HDAC9: variants seen among roughly 807,000 people sequenced by gnomAD.
The protein encoded by HDAC9 is MEF-2 interacting transcription repressor (MITR) protein.
A neutral mutation model predicts 139.4 loss-of-function variants in HDAC9; 41 were observed. The observed-to-expected ratio is 0.29, with a 90% CI of 0.23 to 0.38. The LOEUF is 0.38. Ranked by LOEUF, HDAC9 falls within the 10% of genes least tolerant of loss-of-function variation. The probability of loss-of-function intolerance (pLI) is 1.00; values close to 1 mark genes in which losing one functional copy is unlikely to be tolerated. For synonymous variants in HDAC9, 517 were observed against 476.2 expected, an observed-to-expected ratio of 1.09 and a Z score of -1.12; for missense variants, 1,147 against 1,297.0, an observed-to-expected ratio of 0.88 and a Z score of 1.78.
intron 1 of HDAC9, among the ~76,000 whole-genome samples, chr7:18,157,815 GA>G (rs1787325092): frequency 8.7e-6 from 1 of 115,506 alleles, no homozygotes; most frequent in African/African-American, 3.5e-5. Context: ...GAGAGAGAGA[GA>G]GAGAGAGAGA....
At chr7:18,897,167 T>TG (rs1016774979) in intron 22 of HDAC9, among the ~76,000 whole-genome samples, 2 of 146,788 alleles carry the variant, frequency 1.4e-5, no homozygotes, top group African/African-American at 2.5e-5. Flanking sequence ...AAATAATGGC[T>TG]GAAAAAATCT....
intron 23 of HDAC9, among the ~76,000 whole-genome samples, chr7:18,950,949 G>C (rs1470636123): frequency 6.6e-6 from 1 of 151,920 alleles, no homozygotes; most frequent in Non-Finnish European, 1.5e-5. Context: ...TCACACACCT[G>C]TTACATTTGC....
At chr7:18,931,192 T>C (rs1433980824) in intron 22 of HDAC9, among the ~76,000 whole-genome samples, 1 of 152,204 alleles carries the variant, frequency 6.6e-6, no homozygotes, top group Non-Finnish European at 1.5e-5. Flanking sequence ...TACTAATTAC[T>C]ATGTGCTATT....
chr7:18,125,547 T>C (rs1253193502), intron 1 of HDAC9, among the ~76,000 whole-genome samples: 1 of 152,068 alleles, frequency 6.6e-6, no homozygotes, highest in Admixed American at 6.6e-5. Flanking sequence ...ACTGTGGTGA[T>C]TTTAATGACA....
chr7:18,149,150 A>T (rs1786562177), intron 1 of HDAC9, among the ~76,000 whole-genome samples: 1 of 152,094 alleles, frequency 6.6e-6, no homozygotes, highest in African/African-American at 2.4e-5. Flanking sequence ...TTGGTATCTC[A>T]TTGAGCATCT....
chr7:18,826,463 A>G (rs188273146), intron 17 of HDAC9, among the ~76,000 whole-genome samples: 259 of 152,330 alleles, frequency 1.7e-3, no homozygotes, highest in African/African-American at 5.9e-3. Flanking sequence ...TGGGTGGATC[A>G]TGATGACTGA....
At chr7:18,386,117 C>A (rs554091135) in intron 1 of HDAC9, among the ~76,000 whole-genome samples, 48 of 152,164 alleles carry the variant, frequency 3.2e-4, no homozygotes, top group Non-Finnish European at 6.0e-4. Flanking sequence ...GAAAGCCATT[C>A]AGGCTCAGCT....
At chr7:18,452,935 C>G (rs1406788700) in intron 1 of HDAC9, among the ~76,000 whole-genome samples, 1 of 152,112 alleles carries the variant, frequency 6.6e-6, no homozygotes, top group African/African-American at 2.4e-5. Context: ...ATAATATAAA[C>G]TTGGACACAC....
chr7:18,626,280 G>A lies in HDAC9; in HGVS notation c.665-3070G>A, dbSNP rs916546990. On this transcript the variant is annotated intron_variant, in intron 6 of 25. Transcript: ENST00000686413. ...GCAGCACTGTGACAGGGAGAGTGTA[G>A]GACAGCCTGGCCTCTCCCTCCTCCT... 3.9e-5 allele frequency among the ~76,000 whole-genome samples: 6 copies of A among 152,094 alleles called. No homozygotes were observed. The East Asian group carries it at 1.2e-3, about 29-fold the overall frequency.
At chr7:18,897,903 G>A (rs561898490) in intron 22 of HDAC9, among the ~76,000 whole-genome samples, 5 of 150,372 alleles carry the variant, frequency 3.3e-5, no homozygotes, top group South Asian at 2.1e-4. Flanking sequence ...TTTAAATATC[G>A]TGTCCATGTG....
At chr7:18,331,699 CTTAAGTATACTACCT>C (rs1562885960) in intron 1 of HDAC9, among the ~76,000 whole-genome samples, 3 of 151,566 alleles carry the variant, frequency 2.0e-5, no homozygotes, top group Non-Finnish European at 3.0e-5. Flanking sequence ...TAATGATTAT[CTTAAGTATACTACCT>C]ACCTTATTCG....
chr7:18,880,163 G>A (rs181167868), intron 22 of HDAC9, among the ~76,000 whole-genome samples: 1 of 152,258 alleles, frequency 6.6e-6, no homozygotes, highest in Admixed American at 6.5e-5. Flanking sequence ...AATAACAGGT[G>A]CTGGCAAGGT....
chr7:18,441,738 T>C (rs1791779977), intron 1 of HDAC9, among the ~76,000 whole-genome samples: 1 of 152,050 alleles, frequency 6.6e-6, no homozygotes, highest in Non-Finnish European at 1.5e-5. Flanking sequence ...AAGGGACATA[T>C]ATATATACAC....
chr7:18,900,596 T>C (rs6961101), intron 22 of HDAC9, among the ~76,000 whole-genome samples: 3 of 152,154 alleles, frequency 2.0e-5, no homozygotes, highest in Non-Finnish European at 4.4e-5. Context: ...CTTAAAGTCA[T>C]AGTCCGGACA....
intron 1 of HDAC9, among the ~76,000 whole-genome samples, chr7:18,148,234 A>G (rs1786494744): frequency 1.3e-5 from 2 of 152,156 alleles, no homozygotes; most frequent in Non-Finnish European, 2.9e-5. Context: ...ACACTGGGCT[A>G]CACTCACGGT....
chr7:18,627,582 G>A (rs546054903), intron 6 of HDAC9, among the ~76,000 whole-genome samples: 1 of 152,238 alleles, frequency 6.6e-6, no homozygotes, highest in Non-Finnish European at 1.5e-5. Flanking sequence ...GTAAGTTGGG[G>A]GTTAGAAACT....
At chr7:18,902,804 A>T (rs867504261) in intron 22 of HDAC9, among the ~76,000 whole-genome samples, 1 of 152,334 alleles carries the variant, frequency 6.6e-6, no homozygotes, top group Middle Eastern at 3.4e-3. Context: ...TGGAAAAAGA[A>T]ATTTCACACT....
chr7:18,978,054 G>T (rs1784663710), intron 25 of HDAC9, among the ~76,000 whole-genome samples: 1 of 151,994 alleles, frequency 6.6e-6, no homozygotes, highest in Non-Finnish European at 1.5e-5. Flanking sequence ...AAACAGGAAA[G>T]ATGGCTTTCA....
At chr7:18,858,167 C>G (rs1330559625) in intron 21 of HDAC9, among the ~76,000 whole-genome samples, 1 of 152,120 alleles carries the variant, frequency 6.6e-6, no homozygotes, top group African/African-American at 2.4e-5. Flanking sequence ...AGAAAGCTAG[C>G]TATCTGTGCA....
Sources: allele counts gnomAD v4.1 joint callset (sites outside exome capture counted in the v4.1 genomes callset), GRCh38; gene constraint gnomAD v4.1.1; transcripts MANE v1.5; gene names NCBI Gene and HGNC (gene_info 2026-07-23, HGNC 2026-07-21).